The following ITPRID1 variants were observed in gnomAD, a reference collection of about 807,000 sequenced individuals.
The protein encoded by ITPRID1 is protein ITPRID1.
ITPRID1 carries 96 observed loss-of-function variants against 95.4 expected under a neutral mutation model. The observed-to-expected ratio is 1.01, with a 90% CI of 0.85 to 1.19. ITPRID1 has a LOEUF of 1.19. Among genes scored for constraint, ITPRID1 ranks in the 50% most tolerant of loss-of-function variants. The probability of loss-of-function intolerance (pLI) is 0.00; values close to 1 mark genes in which losing one functional copy is unlikely to be tolerated. For synonymous variants in ITPRID1, 510 were observed against 453.6 expected, an observed-to-expected ratio of 1.12 and a Z score of -1.58; for missense variants, 1,339 against 1,252.9, an observed-to-expected ratio of 1.07 and a Z score of -1.04.
rs912811853 is a variant in ITPRID1 at position 31,654,767 on chromosome 7, A to G, written c.*1938A>G. Among the ~76,000 whole-genome samples, 3 of 152,304 alleles carry G rather than the reference A, an allele frequency of 2.0e-5. No individual in the cohort carries two copies. Among genetic ancestry groups the G allele is most frequent in the African/African-American group, 7.2e-5 (3 of 41,568 alleles). On this transcript the variant is annotated 3_prime_UTR_variant, in exon 15 of 15. Transcript: ENST00000615280. ...AAAAGTAATGCCATGAGGGAAGTTT[A>G]TAATTTGTATGAAAAGATGGTCAAA...
chr7:31,610,053 A>T (rs73315481), intron 10 of ITPRID1, among the ~76,000 whole-genome samples: 135 of 151,696 alleles, frequency 8.9e-4, no homozygotes, highest in African/African-American at 3.1e-3. Context: ...GGAGTGTTTT[A>T]AAAAATTGCT....
intron 9 of ITPRID1, among the ~76,000 whole-genome samples, chr7:31,579,552 A>C (rs554496951): frequency 6.6e-6 from 1 of 152,150 alleles, no homozygotes; most frequent in Non-Finnish European, 1.5e-5. Context: ...CTATACAGAC[A>C]TATTTTCGGG....
intron 10 of ITPRID1, among the ~76,000 whole-genome samples, chr7:31,596,726 C>G (rs1166971661): frequency 1.3e-5 from 2 of 151,224 alleles, no homozygotes; most frequent in Admixed American, 6.6e-5. Context: ...AAAACACCCT[C>G]AAAATATAAA....
chr7:31,549,176 C>G (rs537053623), intron 1 of ITPRID1, among the ~76,000 whole-genome samples: 1 of 152,076 alleles, frequency 6.6e-6, no homozygotes, highest in East Asian at 1.9e-4. Flanking sequence ...CTAATTATAA[C>G]CTTAAAATTT....
chr7:31,655,751 C>A lies in ITPRID1; in HGVS notation c.*2922C>A, dbSNP rs756156968. ...TTGTGCCTCCAAATCGTTTCCCTTG[C>A]TAAACTCCTAAGCTTTTTACTCTTT... On this transcript the variant is annotated 3_prime_UTR_variant, in exon 15 of 15. Coordinates refer to ENST00000615280, the MANE Select transcript of ITPRID1 (RefSeq NM_001257967.3). 1.2e-4 allele frequency: 117 copies of A among 985,580 alleles called. No individual in the cohort carries two copies. Among genetic ancestry groups the A allele is most frequent in the Non-Finnish European group, 1.4e-4 (114 of 829,992 alleles). The allele number at this position is 985,580 out of a possible 1,614,324, so 61.1% of individuals were successfully genotyped here. A position where few individuals can be genotyped will look rare whatever the true frequency, so the allele number is the denominator to read the frequency against.
intron 10 of ITPRID1, among the ~76,000 whole-genome samples, chr7:31,613,522 C>G (rs1337645208): frequency 8.6e-5 from 13 of 152,034 alleles, no homozygotes; most frequent in African/African-American, 3.1e-4. Context: ...TATTTATTTT[C>G]ATTCTACCAT....
Position 31,643,595 on chromosome 7 carries a change from C to T in ITPRID1, c.2225C>T (p.Pro742Leu). 6.2e-7 allele frequency: 1 copy of T among 1,614,022 alleles called. No individual in the cohort carries two copies. The highest frequency in any genetic ancestry group is 2.2e-5 in the East Asian group (1 of 44,888). The part of the protein sequence containing the change: ...GTSLECTVCD[P>L]VTATETRLGT... Reference sequence around the variant, plus strand: ...TCTTTAGAATGCACTGTGTGTGATCCTGTTACCGCAACAGAAACAAGACTG... The same window carrying T: ...TCTTTAGAATGCACTGTGTGTGATCTTGTTACCGCAACAGAAACAAGACTG... The change falls in exon 12 of 15, where the codon CCT becomes CTT. Residue 742 changes from proline (P) to leucine (L), a missense_variant. Transcript: ENST00000615280.
rs1471051147 is a variant in ITPRID1 at position 31,655,893 on chromosome 7, G to C, written c.*3064G>C. Reference sequence around the variant, plus strand: ...AATGAAGAGGAACACCTGGCTCTAGGATGTCCCTCACCTGGCAGCCATCTG... The same window carrying C: ...AATGAAGAGGAACACCTGGCTCTAGCATGTCCCTCACCTGGCAGCCATCTG... On this transcript the variant is annotated 3_prime_UTR_variant, in exon 15 of 15. Coordinates refer to ENST00000615280, the MANE Select transcript of ITPRID1 (RefSeq NM_001257967.3). 1 of 985,380 alleles carries C rather than the reference G, an allele frequency of 1.0e-6. No homozygotes were observed. Among genetic ancestry groups the C allele is most frequent in the African/African-American group, 1.7e-5 (1 of 57,196 alleles). The allele number at this position is 985,380 out of a possible 1,614,324, so 61.0% of individuals were successfully genotyped here.
At position 31,652,952 on chromosome 7, in the gene ITPRID1, T is replaced by A. The variant is rs1475020921; in HGVS notation, c.*123T>A. The A allele has an allele frequency of 1.4e-6, 2 of 1,480,118 alleles. No individual in the cohort carries two copies. The highest frequency in any genetic ancestry group is 1.8e-6 in the Non-Finnish European group (2 of 1,117,994). The allele number at this position is 1,480,118 out of a possible 1,614,324, so 91.7% of individuals were successfully genotyped here. On this transcript the variant is annotated 3_prime_UTR_variant, in exon 15 of 15. Coordinates refer to ENST00000615280, the MANE Select transcript of ITPRID1 (RefSeq NM_001257967.3). Reference sequence around the variant, plus strand: ...CCCATTGTCAGCTATATCTCTCATATTCTACCCTTTGGTTAAACCCAAGAG... The same window carrying A: ...CCCATTGTCAGCTATATCTCTCATAATCTACCCTTTGGTTAAACCCAAGAG...
chr7:31,596,434 A>T (rs530066918), intron 10 of ITPRID1, among the ~76,000 whole-genome samples: 92 of 151,658 alleles, frequency 6.1e-4, no homozygotes, highest in African/African-American at 2.1e-3. Flanking sequence ...TTCACTTATG[A>T]AAATAGAGGC....
intron 5 of ITPRID1, among the ~76,000 whole-genome samples, chr7:31,564,132 C>T (rs1337519794): frequency 2.0e-5 from 3 of 152,138 alleles, no homozygotes; most frequent in African/African-American, 7.2e-5. Context: ...GCTTTCTAAG[C>T]CAATAAAGGT....
intron 1 of ITPRID1, among the ~76,000 whole-genome samples, chr7:31,534,798 TG>T (rs1783708438): frequency 6.6e-6 from 1 of 152,186 alleles, no homozygotes; most frequent in Non-Finnish European, 1.5e-5. Flanking sequence ...TATTGATATT[TG>T]TTTTCTATTT....
At chr7:31,642,625 A>T in intron 11 of ITPRID1, 57 bp from the exon 12 acceptor site, 1 of 1,488,992 alleles carries the variant, frequency 6.7e-7, no homozygotes, top group Non-Finnish European at 9.2e-7. Flanking sequence ...CTCACCTTAA[A>T]CCTATTGCCT....
chr7:31,606,219 G>A (rs1376060945), intron 10 of ITPRID1, among the ~76,000 whole-genome samples: 1 of 152,026 alleles, frequency 6.6e-6, no homozygotes, highest in African/African-American at 2.4e-5. Flanking sequence ...TTTGCTCTCT[G>A]TTAACTATGA....
chr7:31,593,756 G>A (rs2128155838), intron 10 of ITPRID1, among the ~76,000 whole-genome samples: 1 of 152,216 alleles, frequency 6.6e-6, no homozygotes, highest in South Asian at 2.1e-4. Context: ...AAATTTTACT[G>A]TAATATAGAT....
chr7:31,527,398 T>C (rs1268853910), intron 1 of ITPRID1, among the ~76,000 whole-genome samples: 1 of 152,208 alleles, frequency 6.6e-6, no homozygotes, highest in Non-Finnish European at 1.5e-5. Context: ...CTCTTAGCTT[T>C]TCTGGGTCTC....
intron 7 of ITPRID1, among the ~76,000 whole-genome samples, chr7:31,572,463 C>T (rs1221662697): frequency 6.9e-6 from 1 of 144,688 alleles, no homozygotes; most frequent in Non-Finnish European, 1.6e-5. Flanking sequence ...GTCAGACATA[C>T]ACATATTGGC....
intron 1 of ITPRID1, among the ~76,000 whole-genome samples, chr7:31,539,043 T>A (rs932212576): frequency 3.9e-5 from 6 of 152,348 alleles, no homozygotes; most frequent in African/African-American, 1.2e-4. Context: ...TTGAGTAATA[T>A]CCCATTATTT....
chr7:31,534,300 G>T (rs1783691746), intron 1 of ITPRID1, among the ~76,000 whole-genome samples: 1 of 152,178 alleles, frequency 6.6e-6, no homozygotes, highest in Non-Finnish European at 1.5e-5. Context: ...TGGTTAAAAT[G>T]CCCATTAGGA....
Sources: allele counts gnomAD v4.1 joint callset (sites outside exome capture counted in the v4.1 genomes callset), GRCh38; gene constraint gnomAD v4.1.1; transcripts MANE v1.5; gene names NCBI Gene and HGNC (gene_info 2026-07-23, HGNC 2026-07-21).